Variants in ANK2 observed in about 807,000 individuals in gnomAD.
ANK2 encodes the protein ankyrin-2.
In ANK2, 83 loss-of-function variants were observed where a neutral mutation model predicts 360.5. That is an observed-to-expected ratio of 0.23 (90% CI 0.19 to 0.28). ANK2 has a LOEUF of 0.28. Among genes scored for constraint, ANK2 ranks in the 10% least tolerant of loss-of-function variants. The pLI is 1.00. For synonymous variants in ANK2, 1,740 were observed against 1,759.5 expected, an observed-to-expected ratio of 0.99 and a Z score of 0.28; for missense variants, 4,201 against 4,795.7, an observed-to-expected ratio of 0.88 and a Z score of 3.66.
intron 26 of ANK2, among the ~76,000 whole-genome samples, chr4:113,319,602 T>A (rs533109514): frequency 6.6e-6 from 1 of 152,098 alleles, no homozygotes; most frequent in South Asian, 2.1e-4. Context: ...TAGTTAAAAA[T>A]TTTAGACTTC....
At chr4:112,826,772 G>T in intron 1 of ANK2, 1 of 963,036 alleles carries the variant, frequency 1.0e-6, no homozygotes, top group Admixed American at 2.1e-5. Flanking sequence ...AAATTACTCT[G>T]CCTGGAAATA....
In ANK2 at chr4:112,964,363, ACT is replaced by A. The variant is rs139000730; in HGVS notation, c.21+59854_21+59855del. On this transcript the variant is annotated intron_variant, in intron 2 of 30. Transcript: ENST00000503271. ...CCCAGCTGCTGGTAACAATTCTTCT[ACT>A]CTCTGTCTCCATGAGTTCCACTGTT... 4.4e-4 allele frequency among the ~76,000 whole-genome samples: 66 copies of A among 148,792 alleles called. No homozygotes were observed. The East Asian group carries it at 8.1e-3, about 18-fold the overall frequency.
chr4:113,314,782 TATTTC>T (rs1243658210), intron 24 of ANK2, among the ~76,000 whole-genome samples: 1 of 152,214 alleles, frequency 6.6e-6, no homozygotes, highest in Non-Finnish European at 1.5e-5. Context: ...AGTCCATCTT[TATTTC>T]ATTTAAGTAG....
intron 36 of ANK2, among the ~76,000 whole-genome samples, 190 bp downstream of exon 36, chr4:113,348,498 GT>G (rs1443186306): frequency 6.6e-6 from 1 of 152,110 alleles, no homozygotes; most frequent in African/African-American, 2.4e-5. Flanking sequence ...GAATAGTAAA[GT>G]TTCCCTGTAA....
At position 113,365,201 on chromosome 4, in the gene ANK2, A is replaced by ATG. The variant is rs34201791; in HGVS notation, c.11032+49_11032+50dup. The ATG allele has an allele frequency of 0.013, 18,694 of 1,418,886 alleles. 455 individuals are homozygous for ATG. The African/African-American group carries it at 0.14, about 11-fold the overall frequency. The allele number at this position is 1,418,886 out of a possible 1,614,324, so 87.9% of individuals were successfully genotyped here. On this transcript the variant is annotated intron_variant, in intron 41 of 45. Coordinates refer to ENST00000357077, the MANE Select transcript of ANK2 (RefSeq NM_001148.6). ...AGTGAAGGTCAAACTGTGTGTGTGT[A>ATG]TGTGTGTGTGTGTGTGTGTGTGTGT...
chr4:113,232,674 G>A (rs905062564), intron 5 of ANK2, among the ~76,000 whole-genome samples: 3 of 139,330 alleles, frequency 2.2e-5, no homozygotes, highest in African/African-American at 7.8e-5. Context: ...TGTTAGCACA[G>A]TTTCATGAGG....
chr4:112,777,340 GCC>G, the ANK2 span, among the ~76,000 whole-genome samples: 1 of 151,074 alleles, frequency 6.6e-6, no homozygotes, highest in African/African-American at 2.4e-5. Context: ...CTGGATTCAC[GCC>G]ATTCTCCTGC....
Position 112,923,955 on chromosome 4 carries a change from T to G in ANK2, c.21+19441T>G, listed in dbSNP as rs544768197. Among the ~76,000 whole-genome samples, 7 of 152,304 alleles carry G rather than the reference T, an allele frequency of 4.6e-5. No individual in the cohort carries two copies. The South Asian group carries it at 1.4e-3, about 32-fold the overall frequency. On this transcript the variant is annotated intron_variant, in intron 2 of 30. Transcript: ENST00000503271. ...TTTAATGACTTGGAAGATAATTCTATAAGTCTCAGTGTAAAAAATGAAGAA... is the reference window on the plus strand; with the variant it reads ...TTTAATGACTTGGAAGATAATTCTAGAAGTCTCAGTGTAAAAAATGAAGAA...
intron 1 of ANK2, among the ~76,000 whole-genome samples, chr4:112,888,030 G>GT (rs2078903590): frequency 6.6e-6 from 1 of 152,076 alleles, no homozygotes; most frequent in Non-Finnish European, 1.5e-5. Flanking sequence ...ATTTTTCTCA[G>GT]ATATCATAGC....
intron 18 of ANK2, 138 bp downstream of exon 18, chr4:113,283,010 G>T: frequency 1.0e-6 from 1 of 967,434 alleles, no homozygotes; most frequent in Admixed American, 2.0e-5. Context: ...AGGACAGGAA[G>T]GGAGTCAAGC....
In ANK2 at chr4:113,358,400, T is replaced by C; in HGVS notation, c.9782T>C (p.Leu3261Pro). The change falls in exon 38 of 46, where the codon CTC becomes CCC. Residue 3261 changes from leucine (L) to proline (P), a missense_variant. Coordinates refer to ENST00000357077, the MANE Select transcript of ANK2 (RefSeq NM_001148.6). Reference protein sequence around the residue: ...AVQVQLDFSTLTRSVYSDRGD... With the variant: ...AVQVQLDFSTPTRSVYSDRGD... Reference sequence around the variant, plus strand: ...CAAGTCCAGTTAGATTTTTCCACACTCACCAGGTCTGTTTATTCAGATAGG... The same window carrying C: ...CAAGTCCAGTTAGATTTTTCCACACCCACCAGGTCTGTTTATTCAGATAGG... 3 of 1,614,074 alleles carry C rather than the reference T, an allele frequency of 1.9e-6. No individual in the cohort carries two copies. Among genetic ancestry groups the C allele is most frequent in the Non-Finnish European group, 8.5e-7 (1 of 1,179,974 alleles).
intron 45 of ANK2, chr4:113,374,964 T>G: frequency 1.8e-6 from 2 of 1,096,524 alleles, no homozygotes; most frequent in Non-Finnish European, 2.3e-6. Context: ...AGCATCATCA[T>G]TTGTCTTTTT....
chr4:112,899,578 A>C (rs1403620996), intron 1 of ANK2, among the ~76,000 whole-genome samples: 1 of 152,188 alleles, frequency 6.6e-6, no homozygotes, highest in Non-Finnish European at 1.5e-5. Context: ...GAATAGTAGA[A>C]ATAAGTTATA....
chr4:112,919,256 A>G (rs1350890350), intron 2 of ANK2, among the ~76,000 whole-genome samples: 1 of 152,126 alleles, frequency 6.6e-6, no homozygotes, highest in Non-Finnish European at 1.5e-5. Flanking sequence ...GCATTAAAGC[A>G]ATTTATTATT....
chr4:113,305,564 C>T (rs190635040), intron 23 of ANK2, among the ~76,000 whole-genome samples: 17 of 152,086 alleles, frequency 1.1e-4, no homozygotes, highest in African/African-American at 3.9e-4. Flanking sequence ...TTTCTTTCCC[C>T]GAGGAAAATT....
intron 37 of ANK2, among the ~76,000 whole-genome samples, chr4:113,352,164 T>C (rs772614766): frequency 3.9e-5 from 6 of 152,244 alleles, no homozygotes; most frequent in Admixed American, 2.6e-4. Flanking sequence ...ACCTTTGCTT[T>C]GCATGGAAAT....
chr4:112,985,263 T>TCAAAC (rs2044451387), intron 2 of ANK2, among the ~76,000 whole-genome samples: 2 of 152,136 alleles, frequency 1.3e-5, no homozygotes, highest in Non-Finnish European at 2.9e-5. Flanking sequence ...GTCAGCAAAC[T>TCAAAC]TGTCGTGTTT....
intron 15 of ANK2, among the ~76,000 whole-genome samples, chr4:113,275,305 C>T (rs1412011193): frequency 2.0e-5 from 3 of 152,166 alleles, no homozygotes; most frequent in African/African-American, 7.2e-5. Flanking sequence ...ATGCTTTATA[C>T]ATGCTGTTTG....
At chr4:112,822,706 C>A (rs1270468996) in intron 1 of ANK2, among the ~76,000 whole-genome samples, 1 of 150,874 alleles carries the variant, frequency 6.6e-6, no homozygotes, top group Non-Finnish European at 1.5e-5. Flanking sequence ...AGATCGCAAC[C>A]TGCACTCCAG....
Sources: allele counts gnomAD v4.1 joint callset (sites outside exome capture counted in the v4.1 genomes callset), GRCh38; gene constraint gnomAD v4.1.1; transcripts MANE v1.5; gene names NCBI Gene and HGNC (gene_info 2026-07-23, HGNC 2026-07-21).